LIMS1: variants seen among roughly 807,000 people sequenced by gnomAD.
LIMS1 encodes LIM zinc finger domain containing 1.
LIMS1 carries 18 observed loss-of-function variants against 44.1 expected under a neutral mutation model. The ratio of observed to expected loss-of-function variants is 0.41; its 90% CI spans 0.28 to 0.61. LIMS1 has a LOEUF of 0.61. Among genes scored for constraint, LIMS1 ranks in the 20% least tolerant of loss-of-function variants. LIMS1 has a pLI of 0.32. For missense variants in LIMS1, 201 were observed against 422.0 expected (o/e 0.48, Z 4.59); for synonymous variants, 93 against 149.1 (o/e 0.62, Z 2.74).
intron 1 of LIMS1, among the ~76,000 whole-genome samples, chr2:108,550,554 G>A (rs1321178175): frequency 2.0e-5 from 3 of 148,946 alleles, no homozygotes; most frequent in Non-Finnish European, 4.5e-5. Context: ...GGTGGCTCAC[G>A]CCTGTAATCC....
intron 1 of LIMS1, among the ~76,000 whole-genome samples, chr2:108,540,686 G>A (rs1383957836): frequency 6.6e-6 from 1 of 152,170 alleles, no homozygotes; most frequent in East Asian, 1.9e-4. Flanking sequence ...GCACTTTAGT[G>A]GGTCCCCTGC....
intron 1 of LIMS1, among the ~76,000 whole-genome samples, chr2:108,613,702 C>T (rs937739576): frequency 3.9e-5 from 6 of 152,132 alleles, no homozygotes; most frequent in Non-Finnish European, 8.8e-5. Flanking sequence ...AAGACACGGG[C>T]GGCCCTTGGC....
At chr2:108,540,928 C>T (rs1276279194) in intron 1 of LIMS1, among the ~76,000 whole-genome samples, 1 of 152,156 alleles carries the variant, frequency 6.6e-6, no homozygotes, top group African/African-American at 2.4e-5. Flanking sequence ...ATCTTTTTGT[C>T]TACAGTATAG....
chr2:108,657,457 A>G (rs1168335881), intron 1 of LIMS1, among the ~76,000 whole-genome samples: 1 of 152,308 alleles, frequency 6.6e-6, no homozygotes, highest in Non-Finnish European at 1.5e-5. Flanking sequence ...TGAGAACAGC[A>G]CTGAGAATGA....
At position 108,553,289 on chromosome 2, in the gene LIMS1, G is replaced by A. The variant is rs533480541; in HGVS notation, c.32+18695G>A. 3.9e-5 allele frequency among the ~76,000 whole-genome samples: 6 copies of A among 152,326 alleles called. No individual in the cohort carries two copies. The South Asian group carries it at 6.2e-4, about 16-fold the overall frequency. Reference sequence around the variant, plus strand: ...TAGTACTTGTCTGGGGCTCACTGCCGTTTGTGTGCTTTTAACTGTTGGTCC... The same window carrying A: ...TAGTACTTGTCTGGGGCTCACTGCCATTTGTGTGCTTTTAACTGTTGGTCC... On this transcript the variant is annotated intron_variant, in intron 1 of 9. Transcript: ENST00000544547.
In LIMS1 at chr2:108,544,519, G is replaced by A. The variant is rs557131893; in HGVS notation, c.32+9925G>A. Among the ~76,000 whole-genome samples, 36 of 152,156 alleles carry A rather than the reference G, an allele frequency of 2.4e-4. No homozygotes were observed. In the South Asian group the frequency reaches 3.3e-3, roughly 14 times the overall value. ...TATTTTATTTATTTATTTTTGAGGC[G>A]ATGTTTTTGCTCTGTTGTCCAGGCT... On this transcript the variant is annotated intron_variant, in intron 1 of 9. Transcript: ENST00000544547.
intron 2 of LIMS1, among the ~76,000 whole-genome samples, chr2:108,663,705 C>T (rs1366569528): frequency 2.6e-5 from 4 of 152,022 alleles, no homozygotes; most frequent in Non-Finnish European, 5.9e-5. Context: ...CCTTTTTTCC[C>T]ATCACAAAAT....
intron 1 of LIMS1, among the ~76,000 whole-genome samples, chr2:108,624,714 G>A (rs190812246): frequency 9.9e-5 from 15 of 152,168 alleles, no homozygotes; most frequent in African/African-American, 3.6e-4. Flanking sequence ...CCGAGATCGC[G>A]CCACTGCACT....
intron 1 of LIMS1, among the ~76,000 whole-genome samples, chr2:108,574,008 T>C (rs1481880339): frequency 6.6e-6 from 1 of 152,096 alleles, no homozygotes; most frequent in Non-Finnish European, 1.5e-5. Flanking sequence ...ACTCTCCATG[T>C]TCTTGGTTTA....
chr2:108,643,507 C>G (rs1193950147), intron 1 of LIMS1, among the ~76,000 whole-genome samples: 3 of 152,190 alleles, frequency 2.0e-5, no homozygotes, highest in Non-Finnish European at 4.4e-5. Context: ...CCAGGAGATT[C>G]CCTCTGAAGC....
intron 1 of LIMS1, among the ~76,000 whole-genome samples, chr2:108,574,529 GCTCT>G (rs1415106789): frequency 6.6e-6 from 1 of 152,130 alleles, no homozygotes; most frequent in Non-Finnish European, 1.5e-5. Context: ...CTGCTTCTGT[GCTCT>G]CTCACCTCCT....
chr2:108,591,955 C>T (rs550914568), intron 1 of LIMS1, among the ~76,000 whole-genome samples: 11 of 151,804 alleles, frequency 7.2e-5, no homozygotes, highest in South Asian at 4.2e-4. Context: ...CCACCATGCC[C>T]GGCTAATTTT....
intron 1 of LIMS1, among the ~76,000 whole-genome samples, chr2:108,576,452 G>A (rs1467019551): frequency 6.6e-6 from 1 of 152,152 alleles, no homozygotes; most frequent in Non-Finnish European, 1.5e-5. Flanking sequence ...CCAGGCTGGA[G>A]TGCAGTGGCA....
intron 1 of LIMS1, among the ~76,000 whole-genome samples, chr2:108,619,074 C>G (rs1688093209): frequency 2.0e-5 from 3 of 152,158 alleles, no homozygotes; most frequent in Admixed American, 2.0e-4. Context: ...CCTTTTAACA[C>G]TAGTCTCATC....
At chr2:108,607,076 G>T in intron 1 of LIMS1, 1 of 671,112 alleles carries the variant, frequency 1.5e-6, no homozygotes, top group Non-Finnish European at 2.5e-6. Flanking sequence ...GAGATGATTA[G>T]GTCACGAGAA....
intron 1 of LIMS1, among the ~76,000 whole-genome samples, chr2:108,548,566 TG>T (rs1173284845): frequency 6.6e-6 from 1 of 152,200 alleles, no homozygotes; most frequent in Non-Finnish European, 1.5e-5. Context: ...AAGTGTAGAA[TG>T]TGATGCTTAA....
At chr2:108,642,496 A>G (rs1173225432) in intron 1 of LIMS1, among the ~76,000 whole-genome samples, 3 of 151,216 alleles carry the variant, frequency 2.0e-5, no homozygotes, top group African/African-American at 7.3e-5. Flanking sequence ...AGTAGCTGGG[A>G]CTACAGGCGC....
chr2:108,681,766 A>AT lies in LIMS1; in HGVS notation c.899+996_899+997insT, dbSNP rs1465053949. 2.0e-5 allele frequency: 4 copies of AT among 200,734 alleles called. No homozygotes were observed. In the East Asian group the frequency reaches 7.4e-4, roughly 37 times the overall value. The allele number at this position is 200,734 out of a possible 1,614,324, so 12.4% of individuals were successfully genotyped here. A position where few individuals can be genotyped will look rare whatever the true frequency, so the allele number is the denominator to read the frequency against. Reference sequence around the variant, plus strand: ...CTAGACCCCATCCGTCAAAAAAAAAAAACAAATTAGCCAGGCGTGGTGGCC... The same window carrying AT: ...CTAGACCCCATCCGTCAAAAAAAAAATAACAAATTAGCCAGGCGTGGTGGCC... On this transcript the variant is annotated intron_variant, in intron 9 of 9. Coordinates refer to ENST00000544547, the Ensembl canonical transcript of LIMS1.
intron 1 of LIMS1, among the ~76,000 whole-genome samples, chr2:108,551,319 A>G (rs1262160822): frequency 2.0e-5 from 3 of 147,328 alleles, no homozygotes; most frequent in Non-Finnish European, 4.5e-5. Context: ...ATATTTTTAT[A>G]TAATAGATTT....
Sources: allele counts gnomAD v4.1 joint callset (sites outside exome capture counted in the v4.1 genomes callset), GRCh38; gene constraint gnomAD v4.1.1; transcripts MANE v1.5; gene names NCBI Gene and HGNC (gene_info 2026-07-23, HGNC 2026-07-21).